Variants in KDM5A observed in about 807,000 individuals in gnomAD.
KDM5A encodes lysine demethylase 5A, also known as lysine-specific demethylase 5A.
In KDM5A, 42 loss-of-function variants were observed where a neutral mutation model predicts 193.5. The ratio of observed to expected loss-of-function variants is 0.22; its 90% confidence interval spans 0.17 to 0.28. The LOEUF is 0.28. Among genes scored for constraint, KDM5A ranks in the 10% least tolerant of loss-of-function variants. The pLI is 1.00. For synonymous variants in KDM5A, 796 were observed against 718.1 expected, an observed-to-expected ratio of 1.11 and a Z score of -1.73; for missense variants, 1,692 against 2,055.1, an observed-to-expected ratio of 0.82 and a Z score of 3.42.
intron 14 of KDM5A, among the ~76,000 whole-genome samples, chr12:324,272 C>A (rs1943757122): frequency 6.6e-6 from 1 of 151,940 alleles, no homozygotes; most frequent in Non-Finnish European, 1.5e-5. Flanking sequence ...ACTCCAACCC[C>A]AGCCGACATA....
intron 24 of KDM5A, among the ~76,000 whole-genome samples, chr12:303,454 T>C (rs139500542): frequency 1.5e-4 from 22 of 151,348 alleles, no homozygotes; most frequent in Admixed American, 1.3e-3. Context: ...TAAGTGGGAG[T>C]TGAACAACGA....
chr12:312,064 T>C (rs190912069), intron 20 of KDM5A, among the ~76,000 whole-genome samples: 1 of 152,256 alleles, frequency 6.6e-6, no homozygotes, highest in East Asian at 1.9e-4. Flanking sequence ...CCAGAATACG[T>C]TCCGTTTGGG....
chr12:310,129 G>T (rs1384884677), intron 21 of KDM5A, among the ~76,000 whole-genome samples, 165 bp from the exon 22 acceptor site: 4 of 152,092 alleles, frequency 2.6e-5, no homozygotes, highest in Admixed American at 1.3e-4. Flanking sequence ...CTATGTAGTA[G>T]GTATTAATAT....
intron 17 of KDM5A, 57 bp downstream of exon 17, chr12:322,360 T>C (rs770402501): frequency 1.8e-5 from 29 of 1,581,888 alleles, no homozygotes; most frequent in Non-Finnish European, 2.1e-5. Flanking sequence ...AAAATTTTGG[T>C]TTTTACTCTG....
chr12:304,571 C>A (rs1319434859), intron 24 of KDM5A, among the ~76,000 whole-genome samples: 1 of 151,410 alleles, frequency 6.6e-6, no homozygotes, highest in East Asian at 1.9e-4. Flanking sequence ...ATAAGTCTTG[C>A]CACCATTCTT....
intron 3 of KDM5A, among the ~76,000 whole-genome samples, chr12:367,475 T>C (rs1028009749): frequency 2.0e-5 from 3 of 152,030 alleles, no homozygotes; most frequent in Non-Finnish European, 4.4e-5. Flanking sequence ...GCTGGGCAAA[T>C]AGCCTGAGCT....
chr12:293,123 G>A lies in KDM5A; in HGVS notation c.4502C>T (p.Ser1501Phe). Residue 1501 changes from serine (S) to phenylalanine (F), a missense_variant, in exon 27 of 28, where the codon TCT becomes TTT. Transcript: ENST00000399788. Reference protein sequence around the residue: ...EKPLKVKGKDSSEKKRKRKLE... With the variant: ...EKPLKVKGKDFSEKKRKRKLE... The stretch of plus-strand genomic sequence containing the variant: ...CTTCCGTTTCCGTTTCTTCTCTGAA[G>A]AGTCCTTTCCTTTCACTTTTAGTGG... The A allele has an allele frequency of 6.2e-7, 1 of 1,605,410 alleles. No homozygotes were observed. Among genetic ancestry groups the A allele is most frequent in the Non-Finnish European group, 8.5e-7 (1 of 1,177,948 alleles).
chr12:285,014 A>T lies in KDM5A; in HGVS notation c.*442T>A, dbSNP rs1040013425. 7.4e-6 allele frequency: 2 copies of T among 271,724 alleles called. No individual in the cohort carries two copies. The highest frequency in any genetic ancestry group is 4.3e-5 in the African/African-American group (2 of 46,690). The allele number at this position is 271,724 out of a possible 1,614,324, so 16.8% of individuals were successfully genotyped here. Reference sequence around the variant, plus strand: ...ACAGTGGAAGGAAAGTGGTACTCCAATCCCTCTCCAACTATCCCAATGAAG... The same window carrying T: ...ACAGTGGAAGGAAAGTGGTACTCCATTCCCTCTCCAACTATCCCAATGAAG... On this transcript the variant is annotated 3_prime_UTR_variant, in exon 28 of 28. Transcript: ENST00000399788.
intron 20 of KDM5A, among the ~76,000 whole-genome samples, chr12:312,449 A>C (rs1384779343): frequency 6.6e-6 from 1 of 152,208 alleles, no homozygotes; most frequent in South Asian, 2.1e-4. Flanking sequence ...GCACATGGAA[A>C]AAAATTTGAA....
intron 10 of KDM5A, among the ~76,000 whole-genome samples, chr12:340,709 A>AC (rs1346830689): frequency 6.6e-6 from 1 of 151,492 alleles, no homozygotes; most frequent in Non-Finnish European, 1.5e-5. Context: ...AAAAAAAAAA[A>AC]AAAAAAAAAA....
At chr12:368,767 C>T (rs1944388618) in intron 3 of KDM5A, among the ~76,000 whole-genome samples, 1 of 152,106 alleles carries the variant, frequency 6.6e-6, no homozygotes. Flanking sequence ...TTACATGACC[C>T]TGGCAAAGTT....
At chr12:295,361 A>T (rs531582729) in intron 26 of KDM5A, among the ~76,000 whole-genome samples, 1 of 145,740 alleles carries the variant, frequency 6.9e-6, no homozygotes, top group South Asian at 2.1e-4. Flanking sequence ...AAAGAGAAAG[A>T]GAGAAAGAAA....
At chr12:345,107 C>G (rs4980886) in intron 10 of KDM5A, among the ~76,000 whole-genome samples, 54,483 of 151,502 alleles carry the variant, frequency 0.36, 10,604 homozygotes, top group East Asian at 0.58. Flanking sequence ...AAAAAAAGCA[C>G]GGGTTGCAAT....
At chr12:365,817 A>G in intron 4 of KDM5A, 117 bp downstream of exon 4, 1 of 838,664 alleles carries the variant, frequency 1.2e-6, no homozygotes, top group South Asian at 1.3e-5. Flanking sequence ...ACACTATGAT[A>G]TACACTTTGC....
chr12:292,183 C>G (rs76630512), intron 27 of KDM5A, among the ~76,000 whole-genome samples: 1 of 152,084 alleles, frequency 6.6e-6, no homozygotes, highest in African/African-American at 2.4e-5. Flanking sequence ...GGATTACAGG[C>G]GTGAGCCACA....
chr12:318,361 C>G lies in KDM5A; in HGVS notation c.2642G>C (p.Gly881Ala), dbSNP rs369093435. Residue 881 changes from glycine (G) to alanine (A), a missense_variant, in exon 19 of 28, where the codon GGC (glycine) becomes GCC (alanine). Gly to Ala is a moderately conservative substitution (Grantham distance 60). Coordinates refer to ENST00000399788, the MANE Select transcript of KDM5A (RefSeq NM_001042603.3). ...SSKLQMLIDM[G>A]SSLYVELPEL... Reference sequence around the variant, plus strand: ...AGGGAGTTCCACATAGAGACTAGAGCCCATATCTATCAACATCTGGAGTTT... The same window carrying G: ...AGGGAGTTCCACATAGAGACTAGAGGCCATATCTATCAACATCTGGAGTTT... 3 of 1,613,966 alleles carry G rather than the reference C, an allele frequency of 1.9e-6. No homozygotes were observed. Among genetic ancestry groups the G allele is most frequent in the Admixed American group, 3.3e-5 (2 of 60,002 alleles).
At chr12:295,842 G>C (rs1565524616) in intron 25 of KDM5A, 49 bp from the exon 26 acceptor site, 1 of 1,536,092 alleles carries the variant, frequency 6.5e-7, no homozygotes, top group South Asian at 1.1e-5. Context: ...TAAAACTATG[G>C]AAAAAACATG....
Position 282,499 on chromosome 12 carries a change from G to A in KDM5A, c.*2957C>T. The A allele has an allele frequency of 4.3e-6, 1 of 233,194 alleles. No individual in the cohort carries two copies. Among genetic ancestry groups the A allele is most frequent in the East Asian group, 6.0e-5 (1 of 16,586 alleles). The allele number at this position is 233,194 out of a possible 1,614,324, so 14.4% of individuals were successfully genotyped here. On this transcript the variant is annotated 3_prime_UTR_variant, in exon 28 of 28. Transcript: ENST00000399788. ...ATGGCTTTGCTGCAGTACCTATCAG[G>A]AAGCAAAATAAACATCTGTGGAAGA... is the stretch of plus-strand genomic sequence containing the variant.
At chr12:287,391 C>T (rs780000706) in intron 27 of KDM5A, among the ~76,000 whole-genome samples, 13 of 151,968 alleles carry the variant, frequency 8.6e-5, no homozygotes, top group Admixed American at 5.2e-4. Context: ...CTTAACAATA[C>T]CTTCCTAAAC....
Sources: allele counts gnomAD v4.1 joint callset (sites outside exome capture counted in the v4.1 genomes callset), GRCh38; gene constraint gnomAD v4.1.1; transcripts MANE v1.5; gene names NCBI Gene and HGNC (gene_info 2026-07-23, HGNC 2026-07-21).